The following SATB1 variants were observed in gnomAD, a reference collection of about 807,000 sequenced individuals.
SATB1 encodes the protein DNA-binding protein SATB1.
Under a neutral mutation model 86.9 loss-of-function variants are expected in SATB1, and 11 were observed. The ratio of observed to expected loss-of-function variants is 0.13; its 90% CI spans 0.08 to 0.21. The LOEUF (loss-of-function observed/expected upper bound fraction) is 0.21. Among genes scored for constraint, SATB1 ranks in the 10% least tolerant of loss-of-function variants. SATB1 has a pLI of 1.00. For synonymous variants in SATB1, 357 were observed against 357.2 expected (o/e 1.00, Z 0.01); for missense variants, 551 against 937.6 (o/e 0.59, Z 5.39).
chr3:18,391,535 C>T (rs1468699889), intron 7 of SATB1, among the ~76,000 whole-genome samples: 1 of 119,362 alleles, frequency 8.4e-6, no homozygotes, highest in Admixed American at 9.7e-5. Flanking sequence ...CCCCTCCCCC[C>T]ACCCCACAAC....
rs749073521 is a variant in SATB1 at position 18,349,140 on chromosome 3, G to C, written c.*30C>G. On this transcript the variant is annotated 3_prime_UTR_variant, in exon 11 of 11. Coordinates refer to ENST00000338745, the MANE Select transcript of SATB1 (RefSeq NM_002971.6). This position sits in a 1 kb window ranked among gnomAD's most constrained non-coding sequence, Gnocchi z 5.5. ...TTCATTTTGTTAGTAAATACCAGTG[G>C]CACTGTTGAACGAAACAAATACTTT... The C allele has an allele frequency of 3.1e-6, 5 of 1,601,156 alleles. No individual in the cohort carries two copies. The highest frequency in any genetic ancestry group is 4.3e-6 in the Non-Finnish European group (5 of 1,172,570).
chr3:18,434,147 T>G (rs1698980564), intron 2 of SATB1, among the ~76,000 whole-genome samples: 1 of 152,084 alleles, frequency 6.6e-6, no homozygotes, highest in South Asian at 2.1e-4. Context: ...CACATTATAT[T>G]TAATAAAAAT....
chr3:18,398,099 C>T (rs934822515), intron 5 of SATB1, among the ~76,000 whole-genome samples: 2 of 152,094 alleles, frequency 1.3e-5, no homozygotes, highest in Non-Finnish European at 2.9e-5. Flanking sequence ...AAAAGATGAC[C>T]TATCGTGACT....
chr3:18,404,633 G>A (rs1167555774), intron 5 of SATB1, among the ~76,000 whole-genome samples: 2 of 151,848 alleles, frequency 1.3e-5, no homozygotes, highest in Admixed American at 6.6e-5. Flanking sequence ...TTAAATACTC[G>A]ATTCATAACT....
intron 5 of SATB1, among the ~76,000 whole-genome samples, chr3:18,403,274 T>C (rs1697359895): frequency 6.6e-6 from 1 of 152,138 alleles, no homozygotes; most frequent in Non-Finnish European, 1.5e-5. Context: ...AGATTTTTTT[T>C]TCTTTTTCTT....
chr3:18,420,714 A>G (rs1442005846), intron 2 of SATB1, 43 bp downstream of exon 2: 5 of 1,550,822 alleles, frequency 3.2e-6, no homozygotes, highest in Admixed American at 1.7e-5. Flanking sequence ...TGTGTAGACA[A>G]CAGGGCTTTC....
At chr3:18,416,807 C>T in intron 3 of SATB1, 95 bp downstream of exon 3, 1 of 1,260,642 alleles carries the variant, frequency 7.9e-7, no homozygotes, top group East Asian at 2.4e-5. Flanking sequence ...AATACACAGG[C>T]TACAGTTCTT....
intron 5 of SATB1, among the ~76,000 whole-genome samples, chr3:18,407,686 C>T (rs371439297): frequency 5.9e-5 from 9 of 151,956 alleles, no homozygotes; most frequent in East Asian, 1.9e-4. Context: ...CTGATTCCTA[C>T]GATGCTAGGA....
chr3:18,349,005 G>T lies in SATB1; in HGVS notation c.*165C>A. ...TTTGTAAAACAGAGGAAAACATTTA[G>T]TGCAGTCTGTATTATCCTTTTCCAA... On this transcript the variant is annotated 3_prime_UTR_variant, in exon 11 of 11. Coordinates refer to ENST00000338745, the MANE Select transcript of SATB1 (RefSeq NM_002971.6). The surrounding 1 kb of genome is among the most constrained non-coding windows in gnomAD (Gnocchi z 5.5). 1 of 1,128,090 alleles carries T rather than the reference G, an allele frequency of 8.9e-7. No individual in the cohort carries two copies. Among genetic ancestry groups the T allele is most frequent in the Non-Finnish European group, 1.2e-6 (1 of 816,422 alleles). The allele number at this position is 1,128,090 out of a possible 1,614,324, so 69.9% of individuals were successfully genotyped here.
chr3:18,395,081 C>T (rs1696897507), intron 6 of SATB1, among the ~76,000 whole-genome samples, 165 bp from the exon 7 acceptor site: 1 of 152,140 alleles, frequency 6.6e-6, no homozygotes, highest in African/African-American at 2.4e-5. Flanking sequence ...TGTTTTTGCT[C>T]TCCTTTCCTG....
intron 8 of SATB1, among the ~76,000 whole-genome samples, chr3:18,380,370 T>C (rs1437822242): frequency 6.6e-6 from 1 of 152,178 alleles, no homozygotes; most frequent in Non-Finnish European, 1.5e-5. Flanking sequence ...TAAGAATTTA[T>C]CTTTGAGGTG....
intron 2 of SATB1, chr3:18,434,985 GACC>G (rs1699012773): frequency 6.6e-6 from 1 of 151,944 alleles, no homozygotes; most frequent in Admixed American, 6.6e-5. Context: ...CTCACTAGCC[GACC>G]ACAATTTTCT....
Position 18,386,637 on chromosome 3 carries a change from G to GA in SATB1, c.1207-27dup, listed in dbSNP as rs1365792819. On this transcript the variant is annotated intron_variant, in intron 7 of 10. Transcript: ENST00000338745. This position sits in a 1 kb window ranked among gnomAD's most constrained non-coding sequence, Gnocchi z 4.5. ...CTGCAAGAAATGAAAGGCACAGGGTGAGCCTGCTGCCTTGCTTTGCCTGGC... is the reference window on the plus strand; with the variant it reads ...CTGCAAGAAATGAAAGGCACAGGGTGAAGCCTGCTGCCTTGCTTTGCCTGGC... 1 of 1,590,720 alleles carries GA rather than the reference G, an allele frequency of 6.3e-7. No individual in the cohort carries two copies. The highest frequency in any genetic ancestry group is 1.1e-5 in the South Asian group (1 of 90,254).
chr3:18,401,155 T>C (rs1351088291), intron 5 of SATB1, among the ~76,000 whole-genome samples: 1 of 152,172 alleles, frequency 6.6e-6, no homozygotes, highest in African/African-American at 2.4e-5. Context: ...CACTGGACTG[T>C]GGGCCTTAGG....
rs769593394 is a variant in SATB1, at chr3:18,386,363, A to T, written c.1419+36T>A. 3 of 1,529,640 alleles carry T rather than the reference A, an allele frequency of 2.0e-6. No homozygotes were observed. Among genetic ancestry groups the T allele is most frequent in the African/African-American group, 2.8e-5 (2 of 72,714 alleles). The allele number at this position is 1,529,640 out of a possible 1,614,324, so 94.8% of individuals were successfully genotyped here. ...CTTCCTCAAGCATTAAAAAAAAGCTAAACAAAGAAGGGCAAGGAGGAAAAG... is the reference window on the plus strand; with the variant it reads ...CTTCCTCAAGCATTAAAAAAAAGCTTAACAAAGAAGGGCAAGGAGGAAAAG... On this transcript the variant is annotated intron_variant, in intron 8 of 10. Transcript: ENST00000338745. The surrounding 1 kb of genome is among the most constrained non-coding windows in gnomAD (Gnocchi z 4.5).
At chr3:18,369,396 A>G (rs1695347086) in intron 9 of SATB1, among the ~76,000 whole-genome samples, 1 of 152,174 alleles carries the variant, frequency 6.6e-6, no homozygotes, top group Non-Finnish European at 1.5e-5. Context: ...AATTTTGGTA[A>G]AAGTATAAAA....
intron 5 of SATB1, among the ~76,000 whole-genome samples, chr3:18,403,168 C>T (rs534232075): frequency 1.3e-5 from 2 of 152,060 alleles, no homozygotes; most frequent in Admixed American, 6.6e-5. Context: ...TTCCTCTCCT[C>T]GAAAACTATA....
chr3:18,358,059 C>A (rs932868661), intron 9 of SATB1, among the ~76,000 whole-genome samples: 1 of 151,938 alleles, frequency 6.6e-6, no homozygotes, highest in African/African-American at 2.4e-5. Context: ...TTAAATACAT[C>A]AAATTTCATC....
chr3:18,427,275 T>C (rs1698739418), upstream of SATB1, among the ~76,000 whole-genome samples: 1 of 152,230 alleles, frequency 6.6e-6, no homozygotes, highest in Non-Finnish European at 1.5e-5. Context: ...TAGTAATGCC[T>C]GACATGTTTC....
Sources: allele counts gnomAD v4.1 joint callset (sites outside exome capture counted in the v4.1 genomes callset), GRCh38; gene constraint gnomAD v4.1.1; non-coding constraint Gnocchi (gnomAD v3.1); transcripts MANE v1.5; gene names NCBI Gene and HGNC (gene_info 2026-07-23, HGNC 2026-07-21).